The following ZNF292 variants were observed in gnomAD, a reference collection of about 807,000 sequenced individuals.
ZNF292 encodes the protein zinc finger protein 292, also known as 16 zinc-finger domain protein.
A neutral mutation model predicts 217.9 loss-of-function variants in ZNF292; 26 were observed. That is an observed-to-expected ratio of 0.12 (90% CI 0.09 to 0.17). ZNF292 has a LOEUF of 0.17. ZNF292 is among the 10% of genes least tolerant of loss of function. The probability of loss-of-function intolerance (pLI) is 1.00; values close to 1 mark genes in which losing one functional copy is unlikely to be tolerated. For missense variants in ZNF292, 2,904 were observed against 3,175.2 expected (o/e 0.91, Z 2.05); for synonymous variants, 1,257 against 1,124.1 (o/e 1.12, Z -2.37).
chr6:87,192,141 C>CA (rs1473503614), intron 1 of ZNF292, among the ~76,000 whole-genome samples: 5 of 152,258 alleles, frequency 3.3e-5, no homozygotes, highest in Non-Finnish European at 7.4e-5. Context: ...CCACAAAAGG[C>CA]AAAACAACAG....
chr6:87,181,202 C>T (rs1771462187), intron 1 of ZNF292, among the ~76,000 whole-genome samples: 1 of 152,082 alleles, frequency 6.6e-6, no homozygotes, highest in Non-Finnish European at 1.5e-5. Flanking sequence ...TGTTCCCTAG[C>T]GTCCCGGATC....
chr6:87,201,482 G>A (rs1219176688), intron 1 of ZNF292, among the ~76,000 whole-genome samples: 1 of 152,110 alleles, frequency 6.6e-6, no homozygotes, highest in Non-Finnish European at 1.5e-5. Flanking sequence ...TCGGCTCACC[G>A]CAACCTCCGC....
intron 5 of ZNF292, among the ~76,000 whole-genome samples, chr6:87,238,324 G>A (rs1036016720): frequency 2.0e-5 from 3 of 151,776 alleles, no homozygotes; most frequent in Non-Finnish European, 4.4e-5. Context: ...CCGTCTCTAC[G>A]AAAATATAAA....
At chr6:87,240,259 G>A (rs936081044) in intron 5 of ZNF292, among the ~76,000 whole-genome samples, 1 of 152,084 alleles carries the variant, frequency 6.6e-6, no homozygotes, top group Non-Finnish European at 1.5e-5. Flanking sequence ...GGCTGAGGCA[G>A]GAGAATCAGG....
chr6:87,214,919 GT>G (rs2127801246), intron 1 of ZNF292: 1 of 148,834 alleles, frequency 6.7e-6, no homozygotes, highest in East Asian at 2.0e-4. Context: ...CCTCCCTCCA[GT>G]TTTTAAAAGT....
intron 1 of ZNF292, among the ~76,000 whole-genome samples, chr6:87,199,145 C>A (rs1772038819): frequency 6.6e-6 from 1 of 152,210 alleles, no homozygotes; most frequent in African/African-American, 2.4e-5. Flanking sequence ...GTTACAGTTT[C>A]TCTGTATACT....
At chr6:87,248,704 C>T (rs1299528854) in intron 7 of ZNF292, among the ~76,000 whole-genome samples, 1 of 152,212 alleles carries the variant, frequency 6.6e-6, no homozygotes, top group Non-Finnish European at 1.5e-5. Flanking sequence ...GTAGAAAGAA[C>T]TTGGAACTAG....
chr6:87,212,724 T>G (rs899676633), intron 1 of ZNF292, among the ~76,000 whole-genome samples: 1 of 152,218 alleles, frequency 6.6e-6, no homozygotes, highest in Non-Finnish European at 1.5e-5. Context: ...CTTTCCTAGT[T>G]CATGTTGGTT....
intron 1 of ZNF292, among the ~76,000 whole-genome samples, chr6:87,189,066 A>G (rs541261725): frequency 1.3e-5 from 2 of 152,052 alleles, no homozygotes; most frequent in East Asian, 3.9e-4. Context: ...TTAGCTGGAT[A>G]AGGTGGCGAG....
intron 1 of ZNF292, among the ~76,000 whole-genome samples, chr6:87,200,064 G>A (rs1772062370): frequency 6.6e-6 from 1 of 152,122 alleles, no homozygotes; most frequent in Non-Finnish European, 1.5e-5. Flanking sequence ...CTGCTTCTTT[G>A]AATCTAATTA....
chr6:87,223,070 T>G (rs1773174258), intron 4 of ZNF292: 1 of 192,684 alleles, frequency 5.2e-6, no homozygotes, highest in Non-Finnish European at 1.1e-5. Flanking sequence ...TTTTGAGGTT[T>G]TTTGTTTGTT....
chr6:87,227,745 A>C (rs1393477579), intron 4 of ZNF292, among the ~76,000 whole-genome samples: 1 of 152,222 alleles, frequency 6.6e-6, no homozygotes, highest in East Asian at 1.9e-4. Flanking sequence ...CTCAAGATTC[A>C]TCCGTGTGGT....
At chr6:87,158,793 A>G (rs756782414) in intron 1 of ZNF292, among the ~76,000 whole-genome samples, 1 of 152,246 alleles carries the variant, frequency 6.6e-6, no homozygotes, top group African/African-American at 2.4e-5. Flanking sequence ...CAATCTAAAT[A>G]TAGTACCAGG....
chr6:87,173,276 A>G (rs1392346596), intron 1 of ZNF292: 1 of 152,172 alleles, frequency 6.6e-6, no homozygotes. Context: ...CTAGCATTCC[A>G]TATCATTCAA....
At chr6:87,176,689 A>G (rs1771308097) in intron 1 of ZNF292, among the ~76,000 whole-genome samples, 2 of 152,214 alleles carry the variant, frequency 1.3e-5, no homozygotes, top group African/African-American at 4.8e-5. Context: ...TGTCTGAGGC[A>G]GGACTTTCTC....
intron 1 of ZNF292, among the ~76,000 whole-genome samples, chr6:87,160,569 ACT>A (rs1244047446): frequency 2.0e-5 from 3 of 150,544 alleles, no homozygotes; most frequent in Admixed American, 6.6e-5. Context: ...GATACAGGAG[ACT>A]CTAATAAAAA....
chr6:87,246,179 T>C (rs1774571092), intron 7 of ZNF292, among the ~76,000 whole-genome samples: 1 of 152,160 alleles, frequency 6.6e-6, no homozygotes, highest in South Asian at 2.1e-4. Flanking sequence ...TGCAGTGAGC[T>C]GAGATCGTGC....
chr6:87,178,885 G>A (rs1162052864), intron 1 of ZNF292, among the ~76,000 whole-genome samples: 6 of 152,156 alleles, frequency 3.9e-5, no homozygotes, highest in Non-Finnish European at 1.5e-5. Context: ...TTTCAGGAAA[G>A]CAGAATGTAA....
chr6:87,228,546 A>G (rs1189674202), intron 4 of ZNF292, among the ~76,000 whole-genome samples: 1 of 152,078 alleles, frequency 6.6e-6, no homozygotes, highest in Non-Finnish European at 1.5e-5. Context: ...TTCTTCTACG[A>G]GTTCTGTAAT....
Sources: gnomAD v4.1 joint callset for allele counts (sites outside exome capture counted in the v4.1 genomes callset) on GRCh38, gnomAD v4.1.1 for gene constraint, MANE v1.5 for transcripts, NCBI Gene and HGNC (gene_info 2026-07-23, HGNC 2026-07-21) for gene names.